CBL: variants seen among roughly 807,000 people sequenced by gnomAD.
CBL encodes Cbl proto-oncogene, also known as E3 ubiquitin-protein ligase CBL.
Under a neutral mutation model 96.9 loss-of-function variants are expected in CBL, and 45 were observed. That is an observed-to-expected ratio of 0.46 (90% confidence interval 0.37 to 0.60). CBL has a LOEUF of 0.60. CBL is among the 20% of genes least tolerant of loss of function. The probability of loss-of-function intolerance (pLI) is 0.00; values close to 1 mark genes in which losing one functional copy is unlikely to be tolerated. For missense variants in CBL, 1,024 were observed against 1,143.5 expected (o/e 0.90, Z 1.51); for synonymous variants, 420 against 426.8 (o/e 0.98, Z 0.20).
intron 12 of CBL, among the ~76,000 whole-genome samples, chr11:119,296,004 A>G (rs1021656941): frequency 6.6e-6 from 1 of 152,196 alleles, no homozygotes; most frequent in Non-Finnish European, 1.5e-5. Flanking sequence ...TTTTGCACCA[A>G]CCTAATAAAA....
chr11:119,257,016 T>C (rs556492912), intron 2 of CBL, among the ~76,000 whole-genome samples: 1 of 152,362 alleles, frequency 6.6e-6, no homozygotes, highest in East Asian at 1.9e-4. Flanking sequence ...CAGTTGTGCA[T>C]TGTGCTGTGA....
chr11:119,251,268 A>G (rs906960238), intron 2 of CBL, among the ~76,000 whole-genome samples: 4 of 152,286 alleles, frequency 2.6e-5, no homozygotes, highest in Admixed American at 1.3e-4. Flanking sequence ...TTATGTAAGG[A>G]CAGTATTTTT....
At chr11:119,206,855 CCAGA>C (rs958343070) in intron 1 of CBL, among the ~76,000 whole-genome samples, 3 of 151,752 alleles carry the variant, frequency 2.0e-5, no homozygotes, top group Non-Finnish European at 4.4e-5. Context: ...TTTGGGGTAG[CCAGA>C]CAAAGATGGA....
intron 1 of CBL, among the ~76,000 whole-genome samples, chr11:119,214,395 G>A (rs183310308): frequency 1.1e-3 from 162 of 152,190 alleles, no homozygotes; most frequent in East Asian, 6.8e-3. Context: ...GATTACAGGC[G>A]TGTGCCACCA....
In CBL at chr11:119,232,646, C is replaced by G. The variant is rs1390898753; in HGVS notation, c.394C>G (p.Leu132Val). Residue 132 changes from leucine (L) to valine (V), a missense_variant, in exon 2 of 16, where the codon CTC becomes GTC. Coordinates refer to ENST00000264033, the MANE Select transcript of CBL (RefSeq NM_005188.4). ...LMKKTKQTIS[L>V]FKEGKERMYE... ...GAAGAAAACTAAGCAAACCATAAGCCTCTTCAAGGAGGGAAAAGAAAGAAT... is the reference window on the plus strand; with the variant it reads ...GAAGAAAACTAAGCAAACCATAAGCGTCTTCAAGGAGGGAAAAGAAAGAAT... 1.2e-6 allele frequency: 2 copies of G among 1,613,714 alleles called. No homozygotes were observed. The highest frequency in any genetic ancestry group is 1.7e-6 in the Non-Finnish European group (2 of 1,179,692).
chr11:119,221,812 T>G (rs1949414381), intron 1 of CBL, among the ~76,000 whole-genome samples: 1 of 151,964 alleles, frequency 6.6e-6, no homozygotes, highest in South Asian at 2.1e-4. Flanking sequence ...CCTGTTAAAC[T>G]TCTTCAAGTT....
chr11:119,260,283 C>T (rs961083101), intron 2 of CBL, among the ~76,000 whole-genome samples: 39 of 144,674 alleles, frequency 2.7e-4, no homozygotes, highest in Admixed American at 2.4e-3. Flanking sequence ...GTCACTCTGT[C>T]GTTCAGACTG....
At chr11:119,224,781 A>G (rs1949442381) in intron 1 of CBL, among the ~76,000 whole-genome samples, 1 of 151,886 alleles carries the variant, frequency 6.6e-6, no homozygotes, top group Non-Finnish European at 1.5e-5. Flanking sequence ...TTTACGATTC[A>G]TTAAGTGGAA....
chr11:119,272,191 C>G (rs574371656), intron 3 of CBL, among the ~76,000 whole-genome samples: 4 of 152,064 alleles, frequency 2.6e-5, no homozygotes, highest in African/African-American at 9.7e-5. Flanking sequence ...GTGCGATCTC[C>G]ACTTACTGCA....
At chr11:119,230,767 C>G (rs1949496502) in intron 1 of CBL, among the ~76,000 whole-genome samples, 1 of 152,184 alleles carries the variant, frequency 6.6e-6, no homozygotes, top group African/African-American at 2.4e-5. Flanking sequence ...ATGTGTGAGT[C>G]TGTTTCTGGA....
intron 1 of CBL, among the ~76,000 whole-genome samples, chr11:119,228,011 C>G (rs1272323237): frequency 6.6e-6 from 1 of 151,830 alleles, no homozygotes; most frequent in East Asian, 1.9e-4. Flanking sequence ...CTTTAACTTA[C>G]AGCCTCCATA....
At chr11:119,275,047 G>T in intron 5 of CBL, 94 bp downstream of exon 5, 1 of 1,345,008 alleles carries the variant, frequency 7.4e-7, no homozygotes, top group Non-Finnish European at 1.1e-6. Flanking sequence ...AATTAGTTTC[G>T]CAATAGCCAA....
At position 119,250,184 on chromosome 11, in the gene CBL, C is replaced by T. The variant is rs543945376; in HGVS notation, c.443+17489C>T. On this transcript the variant is annotated intron_variant, in intron 2 of 15. Transcript: ENST00000264033. ...GCTATGTTACATGGAATAGTTTGATCCTTTTAAACCTTGTGAGGCAGGACC... is the reference window on the plus strand; with the variant it reads ...GCTATGTTACATGGAATAGTTTGATTCTTTTAAACCTTGTGAGGCAGGACC... Among the ~76,000 whole-genome samples, 4 of 152,240 alleles carry T rather than the reference C, an allele frequency of 2.6e-5. No individual in the cohort carries two copies. In the South Asian group the frequency reaches 8.3e-4, roughly 32 times the overall value.
chr11:119,287,027 C>A (rs1443805982), intron 11 of CBL, among the ~76,000 whole-genome samples: 1 of 152,112 alleles, frequency 6.6e-6, no homozygotes, highest in Non-Finnish European at 1.5e-5. Context: ...ATGTGCCATG[C>A]TGATCCCAGG....
intron 5 of CBL, among the ~76,000 whole-genome samples, chr11:119,275,417 A>G (rs1317001001): frequency 6.6e-6 from 1 of 151,706 alleles, no homozygotes; most frequent in African/African-American, 2.4e-5. Context: ...TAGCCTGGGC[A>G]ATAAGAGCGA....
chr11:119,271,726 C>T lies in CBL; in HGVS notation c.444-9C>T, dbSNP rs892852052. The T allele has an allele frequency of 1.2e-6, 2 of 1,612,336 alleles. No homozygotes were observed. Among genetic ancestry groups the T allele is most frequent in the Admixed American group, 1.7e-5 (1 of 59,988 alleles). On this transcript the variant is annotated splice_polypyrimidine_tract_variant and intron_variant, in intron 2 of 15. Transcript: ENST00000264033. Reference sequence around the variant, plus strand: ...ATGTGTTTAATTATTGCATTCTGATCATTTGTAGGCGAAACCTAACCAAAC... The same window carrying T: ...ATGTGTTTAATTATTGCATTCTGATTATTTGTAGGCGAAACCTAACCAAAC...
At chr11:119,233,209 C>T (rs1471417418) in intron 2 of CBL, among the ~76,000 whole-genome samples, 6 of 152,100 alleles carry the variant, frequency 3.9e-5, no homozygotes, top group Non-Finnish European at 7.4e-5. Context: ...GCAGTTAATT[C>T]AATAAATATT....
chr11:119,272,975 G>A (rs996668614), intron 3 of CBL, among the ~76,000 whole-genome samples: 1 of 136,008 alleles, frequency 7.4e-6, no homozygotes, highest in Non-Finnish European at 1.6e-5. Flanking sequence ...AGGTTTTGTC[G>A]TTTTATTTTT....
In CBL at chr11:119,244,581, A is replaced by ATTTTTTTTTTTTTT. The variant is rs532837579; in HGVS notation, c.443+11891_443+11904dup. Reference sequence around the variant, plus strand: ...AGGTGCATGCTACCATGCCCGGCTAATTTTTTTTTTTTTTTTTTGAGACGG... The same window carrying ATTTTTTTTTTTTTT: ...AGGTGCATGCTACCATGCCCGGCTAATTTTTTTTTTTTTTTTTTTTTTTTTTTTTTTTGAGACGG... On this transcript the variant is annotated intron_variant, in intron 2 of 15. Transcript: ENST00000264033. 2.0e-4 allele frequency among the ~76,000 whole-genome samples: 21 copies of ATTTTTTTTTTTTTT among 104,404 alleles called. 1 individual carries two copies. The highest frequency in any genetic ancestry group is 1.3e-3 in the South Asian group (3 of 2,234). The allele number at this position is 104,404 out of a possible 152,430, so 68.5% of individuals were successfully genotyped here. A position where few individuals can be genotyped will look rare whatever the true frequency, so the allele number is the denominator to read the frequency against.
Sources: gnomAD v4.1 joint callset for allele counts (sites outside exome capture counted in the v4.1 genomes callset) on GRCh38, gnomAD v4.1.1 for gene constraint, MANE v1.5 for transcripts, NCBI Gene and HGNC (gene_info 2026-07-23, HGNC 2026-07-21) for gene names.